HYDIN: variants seen among roughly 807,000 people sequenced by gnomAD.
The protein encoded by HYDIN is axonemal central pair apparatus protein HYDIN.
HYDIN carries 132 observed loss-of-function variants against 403.9 expected under a neutral mutation model. The ratio of observed to expected loss-of-function variants is 0.33; its 90% CI spans 0.28 to 0.38. The LOEUF (loss-of-function observed/expected upper bound fraction) is 0.38, where lower values mean the gene tolerates loss of function less well. HYDIN is among the 10% of genes least tolerant of loss of function. The pLI, the probability that HYDIN is intolerant of heterozygous loss-of-function variation, is 1.00. For synonymous variants in HYDIN, 1,202 were observed against 1,891.7 expected (o/e 0.64, Z 9.46); for missense variants, 2,827 against 5,009.5 (o/e 0.56, Z 13.15).
At chr16:71,129,607 T>A in intron 9 of HYDIN, 33 bp downstream of exon 9, 1 of 1,549,276 alleles carries the variant, frequency 6.5e-7, no homozygotes. Flanking sequence ...CACTTACATT[T>A]CCTGTATGGT....
chr16:70,961,333 C>T (rs1378029082), intron 38 of HYDIN, among the ~76,000 whole-genome samples: 1 of 152,088 alleles, frequency 6.6e-6, no homozygotes, highest in Non-Finnish European at 1.5e-5. Flanking sequence ...ACTTCATTTA[C>T]TCACCTGGTT....
chr16:71,217,030 G>C (rs1310739561), intron 1 of HYDIN, among the ~76,000 whole-genome samples: 1 of 152,218 alleles, frequency 6.6e-6, no homozygotes, highest in African/African-American at 2.4e-5. Context: ...CACAGGAACT[G>C]ATAGCAGTAG....
intron 4 of HYDIN, among the ~76,000 whole-genome samples, chr16:71,177,824 A>G (rs959845386): frequency 1.3e-5 from 2 of 152,142 alleles, no homozygotes; most frequent in African/African-American, 4.8e-5. Context: ...ACTTTCTTTC[A>G]TTATTGTTAA....
chr16:71,025,213 G>A (rs1174295318), intron 21 of HYDIN, among the ~76,000 whole-genome samples, 170 bp downstream of exon 21: 1 of 151,342 alleles, frequency 6.6e-6, no homozygotes, highest in Non-Finnish European at 1.5e-5. Context: ...AAGGATTGTA[G>A]GTTTAGATTC....
intron 42 of HYDIN, among the ~76,000 whole-genome samples, chr16:70,943,025 G>A (rs2077730430): frequency 1.3e-5 from 2 of 152,064 alleles, no homozygotes; most frequent in African/African-American, 2.4e-5. Context: ...TTCTGGGAAC[G>A]TCAAGTTAAT....
chr16:71,226,716 A>G (rs2041048287), intron 1 of HYDIN, among the ~76,000 whole-genome samples: 1 of 152,134 alleles, frequency 6.6e-6, no homozygotes, highest in Non-Finnish European at 1.5e-5. Flanking sequence ...ACTTATATTT[A>G]TCTTATCTGA....
At chr16:71,117,440 A>T (rs575063517) in intron 9 of HYDIN, among the ~76,000 whole-genome samples, 153 of 152,054 alleles carry the variant, frequency 1.0e-3, no homozygotes, top group African/African-American at 3.6e-3. Context: ...CAGGTCAAAC[A>T]CTTTGCCCCA....
chr16:70,967,707 C>T (rs1267097195), intron 36 of HYDIN, among the ~76,000 whole-genome samples: 2 of 152,268 alleles, frequency 1.3e-5, no homozygotes, highest in African/African-American at 4.8e-5. Context: ...AGGATGGTCT[C>T]GATCTCCTGA....
intron 38 of HYDIN, among the ~76,000 whole-genome samples, chr16:70,961,612 G>A (rs7189607): frequency 6.6e-6 from 1 of 152,076 alleles, no homozygotes; most frequent in Non-Finnish European, 1.5e-5. Flanking sequence ...TGGCCCAACT[G>A]GGGGGACACT....
intron 42 of HYDIN, among the ~76,000 whole-genome samples, chr16:70,942,130 T>G (rs1205065394): frequency 6.7e-6 from 1 of 149,878 alleles, no homozygotes; most frequent in Non-Finnish European, 1.5e-5. Context: ...GTTCAGGTGA[T>G]TCTCCTGCCT....
intron 50 of HYDIN, 27 bp downstream of exon 50, chr16:70,907,345 T>C (rs1337222919): frequency 1.8e-6 from 1 of 552,802 alleles, no homozygotes; most frequent in Admixed American, 3.2e-5. Context: ...CAGTCTGAAA[T>C]CTGCTTTAAA....
intron 64 of HYDIN, among the ~76,000 whole-genome samples, chr16:70,872,440 CCAT>C (rs1294286088): frequency 6.7e-6 from 1 of 149,988 alleles, no homozygotes; most frequent in Non-Finnish European, 1.5e-5. Flanking sequence ...ATCTACCCAT[CCAT>C]CATCTATCCA....
intron 73 of HYDIN, among the ~76,000 whole-genome samples, chr16:70,854,327 T>C (rs201074436): frequency 1.3e-5 from 2 of 148,756 alleles, no homozygotes; most frequent in East Asian, 4.1e-4. Flanking sequence ...CTCTGCCTCC[T>C]GGGTTCAAGT....
intron 62 of HYDIN, among the ~76,000 whole-genome samples, chr16:70,877,859 C>T (rs1158219520): frequency 1.3e-5 from 2 of 152,018 alleles, no homozygotes; most frequent in Non-Finnish European, 2.9e-5. Context: ...ATAATATCTC[C>T]CATTTGCTGA....
At chr16:70,820,187 CTTTTTTTT>C (rs57769826) in intron 83 of HYDIN, among the ~76,000 whole-genome samples, 6 of 91,814 alleles carry the variant, frequency 6.5e-5, no homozygotes, top group East Asian at 6.7e-4. Flanking sequence ...TTTCTTTTTT[CTTTTTTTT>C]TTTTTTTTTT....
chr16:71,203,612 A>G (rs553836176), intron 1 of HYDIN: 10 of 396,456 alleles, frequency 2.5e-5, no homozygotes, highest in Non-Finnish European at 3.5e-5. Flanking sequence ...CTGGAAATTC[A>G]GGAATTAAGA....
At chr16:71,208,446 T>A (rs994286507) in intron 1 of HYDIN, among the ~76,000 whole-genome samples, 4 of 151,950 alleles carry the variant, frequency 2.6e-5, no homozygotes, top group Admixed American at 2.0e-4. Context: ...AATGCCCACA[T>A]CAAAAAGTTA....
At chr16:70,930,275 G>A (rs1335779810) in intron 45 of HYDIN, among the ~76,000 whole-genome samples, 1 of 152,272 alleles carries the variant, frequency 6.6e-6, no homozygotes, top group African/African-American at 2.4e-5. Flanking sequence ...GAGGTCAGGA[G>A]TTCCACACCA....
intron 53 of HYDIN, among the ~76,000 whole-genome samples, chr16:70,896,448 GC>G (rs2076205652): frequency 6.6e-6 from 1 of 152,150 alleles, no homozygotes; most frequent in Non-Finnish European, 1.5e-5. Flanking sequence ...AACCTCCCGG[GC>G]TCAAGCCATC....
Sources: allele counts gnomAD v4.1 joint callset (sites outside exome capture counted in the v4.1 genomes callset), GRCh38; gene constraint gnomAD v4.1.1; transcripts MANE v1.5; gene names NCBI Gene and HGNC (gene_info 2026-07-23, HGNC 2026-07-21).